The following SDK1 variants were observed in gnomAD, a reference collection of about 807,000 sequenced individuals.
The protein encoded by SDK1 is protein sidekick-1.
SDK1 carries 157 observed loss-of-function variants against 245.5 expected under a neutral mutation model. The ratio of observed to expected loss-of-function variants is 0.64; its 90% CI spans 0.56 to 0.73. The LOEUF (loss-of-function observed/expected upper bound fraction) is 0.73, where lower values mean the gene tolerates loss of function less well. SDK1 is among the 30% of genes least tolerant of loss of function. The pLI is 0.00. For missense variants in SDK1, 3,583 were observed against 3,002.3 expected (o/e 1.19, Z -4.52); for synonymous variants, 1,647 against 1,278.5 (o/e 1.29, Z -6.15).
chr7:4,074,686 C>A (rs1160424939), intron 20 of SDK1, among the ~76,000 whole-genome samples: 2 of 151,616 alleles, frequency 1.3e-5, no homozygotes, highest in Admixed American at 1.3e-4. Context: ...CACAGTGAGA[C>A]CCTCATCTCT....
At chr7:4,237,877 G>C in intron 42 of SDK1, 93 bp downstream of exon 42, 1 of 1,442,796 alleles carries the variant, frequency 6.9e-7, no homozygotes, top group Non-Finnish European at 9.5e-7. Context: ...GCCCGTGTCT[G>C]CTTTTCCATT....
intron 17 of SDK1, among the ~76,000 whole-genome samples, chr7:4,038,806 C>A (rs1257305987): frequency 6.6e-6 from 1 of 152,150 alleles, no homozygotes; most frequent in African/African-American, 2.4e-5. Flanking sequence ...ACAATTTTCC[C>A]AGTTCTGATC....
At chr7:3,889,817 C>G (rs1161443864) in intron 5 of SDK1, among the ~76,000 whole-genome samples, 4 of 152,092 alleles carry the variant, frequency 2.6e-5, no homozygotes, top group Non-Finnish European at 5.9e-5. Context: ...CTATATGATT[C>G]TTACTAGAAG....
intron 22 of SDK1, among the ~76,000 whole-genome samples, chr7:4,091,290 G>C (rs548918446): frequency 1.3e-5 from 2 of 150,450 alleles, no homozygotes; most frequent in East Asian, 2.0e-4. Context: ...CTCACAGTGA[G>C]TGCTGGCTTA....
intron 14 of SDK1, among the ~76,000 whole-genome samples, chr7:3,989,393 C>T (rs1471048283): frequency 6.6e-6 from 1 of 152,168 alleles, no homozygotes; most frequent in African/African-American, 2.4e-5. Context: ...CGGGTCCCTC[C>T]CACAACTCAT....
intron 1 of SDK1, among the ~76,000 whole-genome samples, chr7:3,321,740 TC>T (rs1464667289): frequency 2.9e-5 from 1 of 34,232 alleles, no homozygotes; most frequent in Non-Finnish European, 5.1e-5. Flanking sequence ...TCCCATCCCC[TC>T]CCCCCTCCTT....
Position 3,553,649 on chromosome 7 carries a change from G to C in SDK1, c.299-65431G>C, listed in dbSNP as rs79450734. On this transcript the variant is annotated intron_variant, in intron 1 of 44. Transcript: ENST00000404826. ...GGGAAATACTCTTCTTTCTTGCTGAGATACCCTTTTCCAGTGTGTGATACC... is the reference window on the plus strand; with the variant it reads ...GGGAAATACTCTTCTTTCTTGCTGACATACCCTTTTCCAGTGTGTGATACC... Among the ~76,000 whole-genome samples the C allele has an allele frequency of 1.2e-3, 177 of 152,258 alleles. 1 individual carries two copies. Among genetic ancestry groups the C allele is most frequent in the African/African-American group, 4.2e-3 (173 of 41,542 alleles).
intron 1 of SDK1, among the ~76,000 whole-genome samples, chr7:3,339,799 A>C (rs1375747895): frequency 6.6e-6 from 1 of 152,168 alleles, no homozygotes; most frequent in African/African-American, 2.4e-5. Context: ...AAGTCAATTT[A>C]AGCTCCTACC....
At chr7:3,389,890 A>G (rs1781704835) in intron 1 of SDK1, among the ~76,000 whole-genome samples, 1 of 152,168 alleles carries the variant, frequency 6.6e-6, no homozygotes, top group South Asian at 2.1e-4. Context: ...GTACATGATT[A>G]AAAAACCCCA....
intron 17 of SDK1, 42 bp downstream of exon 17, chr7:4,017,394 C>A (rs371962947): frequency 6.4e-7 from 1 of 1,550,984 alleles, no homozygotes; most frequent in South Asian, 1.2e-5. Flanking sequence ...GGATCTTTGC[C>A]GGGGAATGGG....
chr7:3,781,265 C>A (rs1780726500), intron 4 of SDK1, among the ~76,000 whole-genome samples: 1 of 152,120 alleles, frequency 6.6e-6, no homozygotes, highest in African/African-American at 2.4e-5. Flanking sequence ...CATTGCAGTA[C>A]TTAGCCAGCA....
chr7:3,946,480 ATT>A (rs558961778), intron 5 of SDK1, among the ~76,000 whole-genome samples: 17 of 147,838 alleles, frequency 1.1e-4, no homozygotes, highest in South Asian at 1.1e-3. Flanking sequence ...ACACCTGCTA[ATT>A]TTTTTTTTTT....
At chr7:4,012,660 G>A (rs190715415) in intron 16 of SDK1, among the ~76,000 whole-genome samples, 15 of 131,830 alleles carry the variant, frequency 1.1e-4, no homozygotes, top group African/African-American at 2.6e-4. Flanking sequence ...TGCAACTTCC[G>A]CTGCCTGGGT....
intron 35 of SDK1, among the ~76,000 whole-genome samples, chr7:4,198,807 C>T (rs956632057): frequency 2.1e-5 from 3 of 141,768 alleles, no homozygotes; most frequent in African/African-American, 5.5e-5. Flanking sequence ...TTTCTTTTTT[C>T]TTTGCTTTTT....
chr7:4,138,079 CA>C (rs1475206670), intron 28 of SDK1, among the ~76,000 whole-genome samples: 1 of 152,142 alleles, frequency 6.6e-6, no homozygotes, highest in Non-Finnish European at 1.5e-5. Context: ...TAGGAAGGTA[CA>C]AATAGAACAC....
intron 1 of SDK1, among the ~76,000 whole-genome samples, chr7:3,452,214 C>T (rs1214271854): frequency 6.6e-6 from 1 of 152,056 alleles, no homozygotes; most frequent in Non-Finnish European, 1.5e-5. Flanking sequence ...TTTTATCTAA[C>T]CTCTTAAGAA....
chr7:3,610,994 C>G (rs919215732), intron 1 of SDK1, among the ~76,000 whole-genome samples: 2 of 152,188 alleles, frequency 1.3e-5, no homozygotes, highest in African/African-American at 4.8e-5. Context: ...GCAGCACAAT[C>G]TTTGACTTGT....
chr7:3,825,436 A>G lies in SDK1; in HGVS notation c.847+3853A>G, dbSNP rs564102629. Among the ~76,000 whole-genome samples the G allele has an allele frequency of 4.6e-5, 7 of 152,242 alleles. No homozygotes were observed. In the South Asian group the frequency reaches 6.2e-4, roughly 14 times the overall value. Reference sequence around the variant, plus strand: ...TAGACATACCATCAGTTCTGATCCAATATTCAAAATGTCCAATGTAATGAG... The same window carrying G: ...TAGACATACCATCAGTTCTGATCCAGTATTCAAAATGTCCAATGTAATGAG... On this transcript the variant is annotated intron_variant, in intron 5 of 44. Transcript: ENST00000404826.
chr7:3,746,912 A>G (rs1242865667), intron 4 of SDK1, among the ~76,000 whole-genome samples: 1 of 152,174 alleles, frequency 6.6e-6, no homozygotes, highest in African/African-American at 2.4e-5. Flanking sequence ...AGAATGATGA[A>G]TGCTTTTCAG....
Sources: gnomAD v4.1 joint callset for allele counts (sites outside exome capture counted in the v4.1 genomes callset) on GRCh38, gnomAD v4.1.1 for gene constraint, MANE v1.5 for transcripts, NCBI Gene and HGNC (gene_info 2026-07-23, HGNC 2026-07-21) for gene names.